WFS1: variants seen among roughly 807,000 people sequenced by gnomAD.
WFS1 encodes wolframin ER transmembrane glycoprotein.
In WFS1, 90 loss-of-function variants were observed where a neutral mutation model predicts 68.5. That is an observed-to-expected ratio of 1.31 (90% CI 1.11 to 1.56). The LOEUF (loss-of-function observed/expected upper bound fraction) is 1.56. WFS1 is among the 40% of genes most tolerant of loss of function. The pLI, the probability that WFS1 is intolerant of heterozygous loss-of-function variation, is 0.00. For missense variants in WFS1, 1,767 were observed against 1,232.6 expected (o/e 1.43, Z -6.49); for synonymous variants, 860 against 540.7 (o/e 1.59, Z -8.19).
intron 2 of WFS1, among the ~76,000 whole-genome samples, chr4:6,278,431 C>T (rs1730060632): frequency 6.6e-6 from 1 of 152,236 alleles, no homozygotes. Context: ...GGCTCAGTCC[C>T]AGCTCATCAC....
At chr4:6,291,141 G>A in intron 4 of WFS1, 56 bp from the exon 5 acceptor site, 1 of 1,590,634 alleles carries the variant, frequency 6.3e-7, no homozygotes, top group African/African-American at 1.3e-5. Context: ...GGGTCAGAGT[G>A]GCACCGAAAG....
chr4:6,299,891 T>C, intron 7 of WFS1, among the ~76,000 whole-genome samples: 1 of 88,826 alleles, frequency 1.1e-5, no homozygotes, highest in Non-Finnish European at 2.1e-5. Flanking sequence ...TGTGTGTGTG[T>C]AGGGGTGGGT....
rs71524365 is a variant in WFS1, at chr4:6,277,631, C to A, written c.176C>A (p.Ala59Asp). ...GGCCCTGGTGTTAGAGACGCAGCGG[C>A]CCCCGCTGAACCCCAGGCCCAGCAT... Reference protein sequence around the residue: ...GPGPGVRDAAAPAEPQAQHTR... With the variant: ...GPGPGVRDAADPAEPQAQHTR... Residue 59 changes from alanine to aspartate, a missense_variant, in exon 2 of 8, where the codon GCC becomes GAC. Physicochemically the swap from Ala to Asp is moderately radical, Grantham distance 126. Coordinates refer to ENST00000226760, the MANE Select transcript of WFS1 (RefSeq NM_006005.3). 2 of 1,570,210 alleles carry A rather than the reference C, an allele frequency of 1.3e-6. No individual in the cohort carries two copies. The highest frequency in any genetic ancestry group is 2.3e-5 in the East Asian group (1 of 42,588).
chr4:6,285,762 C>T (rs1730293676), intron 2 of WFS1, among the ~76,000 whole-genome samples: 2 of 152,178 alleles, frequency 1.3e-5, no homozygotes, highest in African/African-American at 4.8e-5. Context: ...GAGCCTGGCA[C>T]GGTATGGTTC....
chr4:6,292,504 A>G (rs531493994), intron 6 of WFS1, among the ~76,000 whole-genome samples: 1 of 152,072 alleles, frequency 6.6e-6, no homozygotes, highest in South Asian at 2.1e-4. Context: ...TGGGGGATAG[A>G]GTCTCTGGGG....
At chr4:6,271,294 C>T (rs1273771473) in intron 1 of WFS1, among the ~76,000 whole-genome samples, 2 of 152,230 alleles carry the variant, frequency 1.3e-5, no homozygotes, top group African/African-American at 4.8e-5. Context: ...CCTCCCTTCG[C>T]AGACACAGGA....
intron 2 of WFS1, among the ~76,000 whole-genome samples, chr4:6,284,052 A>T (rs1730239195): frequency 6.6e-6 from 1 of 152,034 alleles, no homozygotes; most frequent in South Asian, 2.1e-4. Flanking sequence ...AAGCTGGAAT[A>T]ATGAAGAGGG....
In WFS1 at chr4:6,302,152, G is replaced by C. The variant is rs778292861; in HGVS notation, c.2357G>C (p.Gly786Ala). Reference sequence around the variant, plus strand: ...ACCGTGGGCATGCCATTCAGCAGCGGCGCTGACGGCTCGCGCAGCCGCGAG... The same window carrying C: ...ACCGTGGGCATGCCATTCAGCAGCGCCGCTGACGGCTCGCGCAGCCGCGAG... ...EITVGMPFSS[G>A]ADGSRSREED... is the part of the protein sequence containing the mutation. The change falls in exon 8 of 8, where the codon GGC becomes GCC. Residue 786 changes from glycine to alanine, a missense_variant. Transcript: ENST00000226760. 1 of 1,612,962 alleles carries C rather than the reference G, an allele frequency of 6.2e-7. No individual in the cohort carries two copies. Among genetic ancestry groups the C allele is most frequent in the South Asian group, 1.1e-5 (1 of 91,088 alleles).
At chr4:6,275,324 T>G (rs1000065443) in intron 1 of WFS1, among the ~76,000 whole-genome samples, 13 of 152,216 alleles carry the variant, frequency 8.5e-5, no homozygotes, top group African/African-American at 3.1e-4. Context: ...GGTGGTCCGG[T>G]GGCCTGCAGG....
At chr4:6,281,979 G>A (rs745858844) in intron 2 of WFS1, among the ~76,000 whole-genome samples, 4 of 152,206 alleles carry the variant, frequency 2.6e-5, no homozygotes, top group African/African-American at 7.2e-5. Flanking sequence ...TGTGGGTGAT[G>A]TCTACAGTCA....
In WFS1 at chr4:6,283,900, C is replaced by T. The variant is rs1305594580; in HGVS notation, c.233-3193C>T. On this transcript the variant is annotated intron_variant, in intron 2 of 7. Transcript: ENST00000226760. This position sits in a 1 kb window ranked among gnomAD's most constrained non-coding sequence, Gnocchi z 5.0. Reference sequence around the variant, plus strand: ...GTGTTTGATGGTTCTTGGTGGTCCACACTGATGCAGCCGGCTTCTGGGGGT... The same window carrying T: ...GTGTTTGATGGTTCTTGGTGGTCCATACTGATGCAGCCGGCTTCTGGGGGT... 1.3e-5 allele frequency among the ~76,000 whole-genome samples: 2 copies of T among 152,022 alleles called. No homozygotes were observed. Among genetic ancestry groups the T allele is most frequent in the African/African-American group, 4.8e-5 (2 of 41,388 alleles).
chr4:6,285,129 G>C (rs1231603901), intron 2 of WFS1, among the ~76,000 whole-genome samples: 1 of 151,394 alleles, frequency 6.6e-6, no homozygotes, highest in Non-Finnish European at 1.5e-5. Flanking sequence ...CGGCAAGGAA[G>C]CTGAGCCCGA....
chr4:6,280,502 G>A (rs1049193057), intron 2 of WFS1, among the ~76,000 whole-genome samples: 4 of 152,240 alleles, frequency 2.6e-5, no homozygotes, highest in African/African-American at 7.2e-5. Context: ...CTCAGCCACC[G>A]TGACACGGCT....
At chr4:6,272,628 A>C (rs566918896) in intron 1 of WFS1, among the ~76,000 whole-genome samples, 1 of 152,342 alleles carries the variant, frequency 6.6e-6, no homozygotes, top group East Asian at 1.9e-4. Context: ...CATTTGCTTT[A>C]ATTTCAAAAA....
At position 6,302,267 on chromosome 4, in the gene WFS1, G is replaced by C; in HGVS notation, c.2472G>C (p.Glu824Asp). Residue 824 changes from glutamate to aspartate, a missense_variant, in exon 8 of 8, where the codon GAG becomes GAC. By Grantham distance (45) the Glu-to-Asp change is conservative. Transcript: ENST00000226760. ...GCCTGCGCCAGGGCAGCCTCATCGA[G>C]TTCAGCACCATCCTGGAGGGCCGCC... ...LLSLRQGSLIEFSTILEGRLG... is the reference protein window; with the variant it reads ...LLSLRQGSLIDFSTILEGRLG... 1 of 1,605,918 alleles carries C rather than the reference G, an allele frequency of 6.2e-7. No homozygotes were observed. Among genetic ancestry groups the C allele is most frequent in the Non-Finnish European group, 8.5e-7 (1 of 1,174,756 alleles).
intron 2 of WFS1, among the ~76,000 whole-genome samples, chr4:6,284,317 G>A (rs548699880): frequency 1.3e-5 from 2 of 152,262 alleles, no homozygotes; most frequent in Non-Finnish European, 2.9e-5. Flanking sequence ...AGGTTGTGGC[G>A]AGCCGAGATT....
Position 6,300,889 on chromosome 4 carries a change from T to C in WFS1, c.1094T>C (p.Phe365Ser). The C allele has an allele frequency of 6.2e-7, 1 of 1,614,118 alleles. No individual in the cohort carries two copies. The highest frequency in any genetic ancestry group is 1.1e-5 in the South Asian group (1 of 91,078). Residue 365 changes from phenylalanine to serine, a missense_variant, in exon 8 of 8, where the codon TTC becomes TCC. Transcript: ENST00000226760. ...ISMVICTLKVFQDSKAWENFR... is the reference protein window; with the variant it reads ...ISMVICTLKVSQDSKAWENFR... ...ATGGTGATCTGCACCCTCAAGGTGT[T>C]CCAGGACAGCAAGGCCTGGGAGAAC... is the stretch of plus-strand genomic sequence containing the variant.
intron 7 of WFS1, among the ~76,000 whole-genome samples, chr4:6,297,276 A>G (rs1003180452): frequency 2.6e-5 from 4 of 152,186 alleles, no homozygotes; most frequent in African/African-American, 4.8e-5. Flanking sequence ...GAGGCAATGA[A>G]TCGTCACAAG....
In WFS1 at chr4:6,287,216, C is replaced by T. The variant is rs1265490885; in HGVS notation, c.315+41C>T. The T allele has an allele frequency of 2.0e-6, 3 of 1,519,236 alleles. No homozygotes were observed. Among genetic ancestry groups the T allele is most frequent in the Non-Finnish European group, 2.7e-6 (3 of 1,119,306 alleles). The allele number at this position is 1,519,236 out of a possible 1,614,324, so 94.1% of individuals were successfully genotyped here. On this transcript the variant is annotated intron_variant, in intron 3 of 7. Transcript: ENST00000226760. This position sits in a 1 kb window ranked among gnomAD's most constrained non-coding sequence, Gnocchi z 6.4. ...CCGGCAGGGACTTCGGGACGCGGCC[C>T]CCGGCACAACAGGCCTGGCCACGAG...
Sources: gnomAD v4.1 joint callset for allele counts (sites outside exome capture counted in the v4.1 genomes callset) on GRCh38, gnomAD v4.1.1 for gene constraint, Gnocchi (gnomAD v3.1) non-coding constraint, MANE v1.5 for transcripts, NCBI Gene and HGNC (gene_info 2026-07-23, HGNC 2026-07-21) for gene names.